The following PRMT8 variants were observed in gnomAD, a reference collection of about 807,000 sequenced individuals.
The protein encoded by PRMT8 is protein arginine N-methyltransferase 8.
Under a neutral mutation model 47.1 loss-of-function variants are expected in PRMT8, and 7 were observed. The ratio of observed to expected loss-of-function variants is 0.15; its 90% CI spans 0.08 to 0.28. PRMT8 has a LOEUF of 0.28. Ranked by LOEUF, PRMT8 falls within the 10% of genes least tolerant of loss-of-function variation. The pLI is 1.00. For synonymous variants in PRMT8, 188 were observed against 186.5 expected (o/e 1.01, Z -0.07); for missense variants, 237 against 505.4 (o/e 0.47, Z 5.09).
In PRMT8 at chr12:3,566,248, A is replaced by G. The variant is rs973228571; in HGVS notation, c.482-2458A>G. ...AAATTAGGCACAATGTTTGCATTTT[A>G]AAAAATCCTTTACTTTGCCACTCTA... is the stretch of plus-strand genomic sequence containing the variant. On this transcript the variant is annotated intron_variant, in intron 4 of 9. Coordinates refer to ENST00000382622, the MANE Select transcript of PRMT8 (RefSeq NM_019854.5). The surrounding 1 kb of genome is among the most constrained non-coding windows in gnomAD (Gnocchi z 4.7). 1.3e-5 allele frequency among the ~76,000 whole-genome samples: 2 copies of G among 152,214 alleles called. No homozygotes were observed. The highest frequency in any genetic ancestry group is 1.5e-5 in the Non-Finnish European group (1 of 68,040).
rs1866108467 is a variant in PRMT8 at position 3,535,836 on chromosome 12, T to G, written c.76-4770T>G. Among the ~76,000 whole-genome samples, 1 of 152,136 alleles carries G rather than the reference T, an allele frequency of 6.6e-6. No individual in the cohort carries two copies. The highest frequency in any genetic ancestry group is 1.9e-4 in the East Asian group (1 of 5,174). ...CCATCCGAGTGTGATTCCAAATCCT[T>G]TTGCTGACTTCTCAGACTATGTATA... On this transcript the variant is annotated intron_variant, in intron 1 of 9. Coordinates refer to ENST00000382622, the MANE Select transcript of PRMT8 (RefSeq NM_019854.5). This position sits in a 1 kb window ranked among gnomAD's most constrained non-coding sequence, Gnocchi z 4.7.
At chr12:3,451,372 C>G (rs1043042552) in intron 1 of PRMT8, among the ~76,000 whole-genome samples, 1 of 152,184 alleles carries the variant, frequency 6.6e-6, no homozygotes. Flanking sequence ...CTCAGGTCTT[C>G]TGATTCCCAG....
At chr12:3,571,338 T>C (rs565077397) in intron 6 of PRMT8, among the ~76,000 whole-genome samples, 2 of 152,376 alleles carry the variant, frequency 1.3e-5, no homozygotes, top group African/African-American at 2.4e-5. Context: ...GAGTTCTTGC[T>C]GTGCAATTGT....
chr12:3,520,036 A>G (rs1865857139), intron 1 of PRMT8, among the ~76,000 whole-genome samples: 5 of 152,188 alleles, frequency 3.3e-5, no homozygotes, highest in Admixed American at 3.3e-4. Context: ...GCTGGGGAAA[A>G]GTCTGCCGAG....
chr12:3,520,380 T>C (rs1247856097), intron 1 of PRMT8, among the ~76,000 whole-genome samples: 1 of 152,202 alleles, frequency 6.6e-6, no homozygotes, highest in African/African-American at 2.4e-5. Flanking sequence ...AAGCCAGACC[T>C]AGCAGGACCC....
At chr12:3,540,568 G>A in intron 1 of PRMT8, 38 bp from the exon 2 acceptor site, 2 of 1,404,796 alleles carry the variant, frequency 1.4e-6, no homozygotes, top group Non-Finnish European at 2.0e-6. Flanking sequence ...GGACCCCGTT[G>A]TCTCTCCTAA....
intron 4 of PRMT8, among the ~76,000 whole-genome samples, chr12:3,560,643 A>G (rs1395858729): frequency 6.6e-6 from 1 of 152,196 alleles, no homozygotes; most frequent in Non-Finnish European, 1.5e-5. Context: ...TAACCCGTTT[A>G]CTTCCCAGAA....
intron 8 of PRMT8, among the ~76,000 whole-genome samples, chr12:3,589,640 C>G (rs1417816940): frequency 1.3e-5 from 2 of 152,208 alleles, no homozygotes; most frequent in Admixed American, 1.3e-4. Context: ...ATTGGGAAAA[C>G]TGGTTTAGAC....
chr12:3,529,012 A>G (rs540296515), intron 1 of PRMT8, among the ~76,000 whole-genome samples: 2 of 152,282 alleles, frequency 1.3e-5, no homozygotes, highest in South Asian at 4.2e-4. Flanking sequence ...TCTTTTCAGT[A>G]GTTCTTTTCC....
At position 3,391,929 on chromosome 12, in the gene PRMT8, C is replaced by T. The variant is rs577333916; in HGVS notation, c.48+10487C>T. On this transcript the variant is annotated intron_variant, in intron 1 of 9. Transcript: ENST00000452611. Reference sequence around the variant, plus strand: ...TGAAGGGCATTTAATGGAGCAGGTGCCTTTTAATCTAGGACTAGAAGCAAG... The same window carrying T: ...TGAAGGGCATTTAATGGAGCAGGTGTCTTTTAATCTAGGACTAGAAGCAAG... Among the ~76,000 whole-genome samples the T allele has an allele frequency of 7.9e-5, 12 of 152,208 alleles. No homozygotes were observed. The South Asian group carries it at 1.9e-3, about 24-fold the overall frequency.
rs973228571 is a variant in PRMT8 at position 3,566,248 on chromosome 12, A to T, written c.482-2458A>T. Among the ~76,000 whole-genome samples the T allele has an allele frequency of 6.6e-6, 1 of 152,214 alleles. No individual in the cohort carries two copies. ...AAATTAGGCACAATGTTTGCATTTT[A>T]AAAAATCCTTTACTTTGCCACTCTA... On this transcript the variant is annotated intron_variant, in intron 4 of 9. Transcript: ENST00000382622. The surrounding 1 kb of genome is among the most constrained non-coding windows in gnomAD (Gnocchi z 4.7).
At chr12:3,513,567 T>C (rs977061505) in intron 1 of PRMT8, among the ~76,000 whole-genome samples, 3 of 152,192 alleles carry the variant, frequency 2.0e-5, no homozygotes, top group South Asian at 2.1e-4. Context: ...CTTCTGTTAC[T>C]TCTACTCTTC....
intron 1 of PRMT8, among the ~76,000 whole-genome samples, chr12:3,484,108 C>G (rs1859851085): frequency 6.6e-6 from 1 of 152,106 alleles, no homozygotes; most frequent in African/African-American, 2.4e-5. Context: ...TTTGTAAACC[C>G]CTGAACTGAT....
intron 1 of PRMT8, among the ~76,000 whole-genome samples, chr12:3,416,097 G>C (rs1000117740): frequency 6.6e-6 from 1 of 152,192 alleles, no homozygotes; most frequent in Non-Finnish European, 1.5e-5. Flanking sequence ...CGCCTTTCTA[G>C]CATAGCACTC....
chr12:3,540,495 G>A (rs980365883), intron 1 of PRMT8, 111 bp from the exon 2 acceptor site: 2 of 724,576 alleles, frequency 2.8e-6, no homozygotes, highest in Non-Finnish European at 4.7e-6. Flanking sequence ...AAGGGCTGCT[G>A]TGGCTGCTTG....
intron 1 of PRMT8, among the ~76,000 whole-genome samples, chr12:3,441,975 A>G (rs565187480): frequency 1.3e-5 from 2 of 152,374 alleles, no homozygotes; most frequent in African/African-American, 4.8e-5. Context: ...ACTCTGGATC[A>G]GAGAATCATC....
intron 1 of PRMT8, among the ~76,000 whole-genome samples, chr12:3,396,894 T>C (rs1269917279): frequency 6.6e-6 from 1 of 151,892 alleles, no homozygotes; most frequent in Non-Finnish European, 1.5e-5. Context: ...CCATATTTCT[T>C]GGAGGCTTTG....
intron 1 of PRMT8, among the ~76,000 whole-genome samples, chr12:3,388,678 A>G (rs931346586): frequency 1.3e-5 from 2 of 152,178 alleles, no homozygotes; most frequent in Non-Finnish European, 2.9e-5. Context: ...TCTCACAGCT[A>G]ATAAGGGACA....
At chr12:3,443,535 T>G (rs1864825977) in intron 1 of PRMT8, among the ~76,000 whole-genome samples, 1 of 152,136 alleles carries the variant, frequency 6.6e-6, no homozygotes, top group South Asian at 2.1e-4. Flanking sequence ...TCCCTCCCTT[T>G]CCACTACGTC....
Sources: allele counts gnomAD v4.1 joint callset (sites outside exome capture counted in the v4.1 genomes callset), GRCh38; gene constraint gnomAD v4.1.1; non-coding constraint Gnocchi (gnomAD v3.1); transcripts MANE v1.5; gene names NCBI Gene and HGNC (gene_info 2026-07-23, HGNC 2026-07-21).